The following ACAP2 variants were observed in gnomAD, a reference collection of about 807,000 sequenced individuals.
ACAP2 encodes arf-GAP with coiled-coil, ANK repeat and PH domain-containing protein 2.
ACAP2 carries 39 observed loss-of-function variants against 115.8 expected under a neutral mutation model. The observed-to-expected ratio is 0.34, with a 90% CI of 0.26 to 0.44. The LOEUF (loss-of-function observed/expected upper bound fraction) is 0.44. Ranked by LOEUF, ACAP2 falls within the 20% of genes least tolerant of loss-of-function variation. ACAP2 has a pLI of 1.00. For synonymous variants in ACAP2, 289 were observed against 315.8 expected, an observed-to-expected ratio of 0.92 and a Z score of 0.90; for missense variants, 662 against 927.6, an observed-to-expected ratio of 0.71 and a Z score of 3.72.
chr3:195,281,391 C>T (rs1011774727), intron 22 of ACAP2, among the ~76,000 whole-genome samples: 9 of 151,510 alleles, frequency 5.9e-5, no homozygotes, highest in African/African-American at 1.9e-4. Context: ...GGCAACAGAG[C>T]GAGACTCCGC....
chr3:195,374,498 T>A (rs1318464016), intron 4 of ACAP2, among the ~76,000 whole-genome samples: 1 of 152,158 alleles, frequency 6.6e-6, no homozygotes, highest in East Asian at 1.9e-4. Flanking sequence ...GAACTACAAC[T>A]TAAGAAGATG....
At chr3:195,295,638 G>A in intron 17 of ACAP2, 70 bp downstream of exon 17, 2 of 1,546,056 alleles carry the variant, frequency 1.3e-6, no homozygotes, top group Non-Finnish European at 1.8e-6. Context: ...ATGGCTATTA[G>A]TTCAGGGATT....
At chr3:195,300,017 TTCCG>T (rs1727925758) in intron 15 of ACAP2, among the ~76,000 whole-genome samples, 1 of 151,752 alleles carries the variant, frequency 6.6e-6, no homozygotes, top group South Asian at 2.1e-4. Context: ...AGTATCTACT[TTCCG>T]TCTTTCTTTT....
chr3:195,438,061 T>C (rs866190579), intron 1 of ACAP2, among the ~76,000 whole-genome samples: 10 of 147,444 alleles, frequency 6.8e-5, no homozygotes, highest in Middle Eastern at 6.8e-3. Flanking sequence ...AGTCTCACTC[T>C]GTCCCCCAGG....
chr3:195,389,162 C>T (rs2108766671), intron 2 of ACAP2, among the ~76,000 whole-genome samples: 1 of 152,048 alleles, frequency 6.6e-6, no homozygotes. Context: ...CTTGGTAGCC[C>T]TTTGGGTAAG....
At chr3:195,351,289 G>C (rs1025890722) in intron 4 of ACAP2, among the ~76,000 whole-genome samples, 1 of 151,558 alleles carries the variant, frequency 6.6e-6, no homozygotes, top group African/African-American at 2.4e-5. Flanking sequence ...GTTAATTTTT[G>C]TACTTTTAGT....
intron 5 of ACAP2, among the ~76,000 whole-genome samples, chr3:195,344,040 T>C (rs1731040191): frequency 6.6e-6 from 1 of 152,068 alleles, no homozygotes; most frequent in African/African-American, 2.4e-5. Context: ...GAGACTTGCC[T>C]CTACAAATAA....
intron 10 of ACAP2, among the ~76,000 whole-genome samples, chr3:195,314,428 C>T (rs1013663588): frequency 3.3e-5 from 5 of 152,008 alleles, no homozygotes; most frequent in Admixed American, 6.6e-5. Flanking sequence ...CCACCATGAC[C>T]AGCTAATTTT....
rs1726255036 is a variant in ACAP2 at position 195,278,142 on chromosome 3, G to C, written c.*1186C>G. The C allele has an allele frequency of 2.0e-5, 3 of 151,682 alleles. No homozygotes were observed. Among genetic ancestry groups the C allele is most frequent in the Admixed American group, 2.0e-4 (3 of 15,250 alleles). 9.4% of individuals were successfully genotyped at this position (151,682 alleles called of 1,614,324 possible). ...ATACTTTAAGACATTTTCAAAGATG[G>C]AATCAGACTAATTTGTAGCATATAA... On this transcript the variant is annotated 3_prime_UTR_variant, in exon 23 of 23. Transcript: ENST00000326793.
At chr3:195,329,012 G>A (rs112327183) in intron 8 of ACAP2, among the ~76,000 whole-genome samples, 3,255 of 151,550 alleles carry the variant, frequency 0.021, 112 homozygotes, top group East Asian at 0.1. Flanking sequence ...CCCGGGAGGC[G>A]GAGCTTGTAG....
chr3:195,309,068 A>T (rs1728593260), intron 10 of ACAP2, among the ~76,000 whole-genome samples: 1 of 152,230 alleles, frequency 6.6e-6, no homozygotes, highest in South Asian at 2.1e-4. Context: ...ATTTTGATTA[A>T]TTTCATGTCA....
chr3:195,294,954 G>A (rs1043030115), intron 17 of ACAP2, 143 bp from the exon 18 acceptor site: 7 of 543,154 alleles, frequency 1.3e-5, no homozygotes, highest in African/African-American at 1.2e-4. Flanking sequence ...ATAATTTTAA[G>A]CCTTTTGAAC....
chr3:195,294,587 A>AAT, intron 18 of ACAP2, 132 bp downstream of exon 18: 1 of 85,530 alleles, frequency 1.2e-5, no homozygotes, highest in South Asian at 5.9e-4. Context: ...TCAAAAAAAA[A>AAT]AGAAGAAAAA....
At chr3:195,419,879 C>T (rs1244319082) in intron 1 of ACAP2, among the ~76,000 whole-genome samples, 1 of 152,120 alleles carries the variant, frequency 6.6e-6, no homozygotes, top group Admixed American at 6.6e-5. Flanking sequence ...AACTTCTGTT[C>T]ATCTGTCTGT....
At chr3:195,387,653 A>C (rs1734392402) in intron 2 of ACAP2, among the ~76,000 whole-genome samples, 1 of 152,100 alleles carries the variant, frequency 6.6e-6, no homozygotes, top group Non-Finnish European at 1.5e-5. Context: ...ACAGGATTTC[A>C]CCATGTTAGC....
At chr3:195,385,938 C>A (rs1160510032) in intron 2 of ACAP2, among the ~76,000 whole-genome samples, 1 of 152,126 alleles carries the variant, frequency 6.6e-6, no homozygotes, top group Non-Finnish European at 1.5e-5. Flanking sequence ...TAAGAGTACT[C>A]TGAAAGGGAT....
chr3:195,307,271 C>T lies in ACAP2; in HGVS notation c.962G>A (p.Cys321Tyr). ...EDLRLCTVKH[C>Y]EDIERRFCFE... ...GCAGAATCGTCGCTCTATGTCTTCA[C>T]AATGTTTCACTGTGCAAAGCCTGAG... Residue 321 changes from cysteine to tyrosine, a missense_variant, in exon 12 of 23, where the codon TGT becomes TAT. Cys to Tyr is a radical substitution (Grantham distance 194). Around this residue, in one of 3 missense-constraint regions of ACAP2, gnomAD observed 401 missense variants for 604.4 expected, o/e 0.66. Transcript: ENST00000326793. The T allele has an allele frequency of 6.2e-7, 1 of 1,613,494 alleles. No homozygotes were observed. Among genetic ancestry groups the T allele is most frequent in the Non-Finnish European group, 8.5e-7 (1 of 1,179,622 alleles).
chr3:195,349,405 C>T (rs757051683), intron 4 of ACAP2, among the ~76,000 whole-genome samples: 13 of 152,090 alleles, frequency 8.5e-5, no homozygotes, highest in Admixed American at 2.0e-4. Flanking sequence ...CGCTTGAACC[C>T]GGGAGGCAGA....
At chr3:195,311,094 T>TG (rs1560229367) in intron 10 of ACAP2, among the ~76,000 whole-genome samples, 1 of 45,164 alleles carries the variant, frequency 2.2e-5, no homozygotes, top group African/African-American at 1.1e-4. Flanking sequence ...GTTTTTTTGT[T>TG]TTTTTTTTGT....
Sources: allele counts gnomAD v4.1 joint callset (sites outside exome capture counted in the v4.1 genomes callset), GRCh38; gene constraint gnomAD v4.1.1; regional missense constraint gnomAD v4.1.1; transcripts MANE v1.5; gene names NCBI Gene and HGNC (gene_info 2026-07-23, HGNC 2026-07-21).